Variants in CEP63 observed in about 807,000 individuals in gnomAD.
The protein encoded by CEP63 is centrosomal protein 63.
In CEP63, 84 loss-of-function variants were observed where a neutral mutation model predicts 89.1. The ratio of observed to expected loss-of-function variants is 0.94; its 90% CI spans 0.79 to 1.13. The LOEUF (loss-of-function observed/expected upper bound fraction) is 1.13. Among genes scored for constraint, CEP63 ranks in the 50% most tolerant of loss-of-function variants. The pLI is 0.00. For missense variants in CEP63, 838 were observed against 813.3 expected (o/e 1.03, Z -0.37); for synonymous variants, 267 against 272.5 (o/e 0.98, Z 0.20).
intron 11 of CEP63, among the ~76,000 whole-genome samples, chr3:134,573,912 G>A (rs1352902583): frequency 6.6e-6 from 1 of 152,180 alleles, no homozygotes; most frequent in African/African-American, 2.4e-5. Flanking sequence ...GGTTTTGGAA[G>A]CCCTCAGCAT....
At chr3:134,679,009 G>GT in the CEP63 span, among the ~76,000 whole-genome samples, 1 of 151,550 alleles carries the variant, frequency 6.6e-6, no homozygotes, top group African/African-American at 2.4e-5. Flanking sequence ...AAGAAAGCTG[G>GT]TGATGTATAG....
chr3:134,629,585 C>T, the CEP63 span: 8 of 1,528,262 alleles, frequency 5.2e-6, no homozygotes, highest in Non-Finnish European at 7.1e-6. Context: ...ATCCTCTCTG[C>T]CAGCCCTCCA....
At chr3:134,606,903 C>T in the CEP63 span, 1 of 985,076 alleles carries the variant, frequency 1.0e-6, no homozygotes, top group Non-Finnish European at 1.2e-6. Flanking sequence ...TCTTCCTTCC[C>T]TTCCTTTCTG....
intron 1 of CEP63, among the ~76,000 whole-genome samples, chr3:134,494,238 C>T (rs1167519647): frequency 2.6e-5 from 4 of 151,872 alleles, no homozygotes; most frequent in Non-Finnish European, 4.4e-5. Flanking sequence ...ACCTCAGCCT[C>T]CCCATGGCTG....
At chr3:134,485,809 C>T (rs1935085695), upstream of CEP63, 3 of 211,756 alleles carry the variant, frequency 1.4e-5, no homozygotes, top group Non-Finnish European at 2.4e-5. Flanking sequence ...CCCTTTCCTC[C>T]CGACACGAGT....
intron 11 of CEP63, among the ~76,000 whole-genome samples, chr3:134,572,961 G>T (rs4345111): frequency 0.98 from 149,122 of 152,314 alleles, 73,060 homozygotes; most frequent in Non-Finnish European, 1. Flanking sequence ...CTGACTGATA[G>T]GAGATGGTTA....
the CEP63 span, chr3:134,627,729 A>G: frequency 6.2e-7 from 1 of 1,607,366 alleles, no homozygotes. Context: ...TCTCTTGAGA[A>G]TTGTCCTGGA....
chr3:134,493,960 A>C (rs1447002665), intron 1 of CEP63, among the ~76,000 whole-genome samples: 2 of 152,152 alleles, frequency 1.3e-5, no homozygotes, highest in African/African-American at 4.8e-5. Context: ...AAGTGGTTTG[A>C]CATTGAACAT....
At chr3:134,702,829 G>T in the CEP63 span, among the ~76,000 whole-genome samples, 5 of 152,204 alleles carry the variant, frequency 3.3e-5, no homozygotes, top group Non-Finnish European at 7.4e-5. Context: ...AGATGAAGGC[G>T]AGGTTGTGGG....
exon 12 of CEP63, chr3:134,574,954 A>C: frequency 6.3e-6 from 3 of 478,266 alleles, no homozygotes; most frequent in Non-Finnish European, 1.1e-5. Context: ...TCTCAATTAG[A>C]GTCTTTATAT....
the CEP63 span, among the ~76,000 whole-genome samples, chr3:134,768,877 C>A: frequency 6.6e-6 from 1 of 152,120 alleles, no homozygotes; most frequent in Non-Finnish European, 1.5e-5. Flanking sequence ...TCCTCCATAG[C>A]AGAAGAGGGG....
the CEP63 span, among the ~76,000 whole-genome samples, chr3:134,749,623 G>GTACAGAGA: frequency 1.5e-5 from 2 of 135,446 alleles, no homozygotes; most frequent in African/African-American, 5.4e-5. Context: ...CGGGAGAGCT[G>GTACAGAGA]TACAGAGAGA....
exon 11 of CEP63, among the ~76,000 whole-genome samples, chr3:134,587,507 C>G (rs942726286): frequency 3.3e-5 from 5 of 152,146 alleles, no homozygotes; most frequent in Admixed American, 6.5e-5. Flanking sequence ...CGCTGTTTGC[C>G]TGGGTATCAC....
At chr3:134,620,792 C>G in the CEP63 span, 1 of 1,613,740 alleles carries the variant, frequency 6.2e-7, no homozygotes, top group East Asian at 2.2e-5. Context: ...GGACCCTTTC[C>G]AGGTCAGTGT....
chr3:134,726,699 C>G, the CEP63 span, among the ~76,000 whole-genome samples: 1 of 152,104 alleles, frequency 6.6e-6, no homozygotes, highest in Non-Finnish European at 1.5e-5. Flanking sequence ...CCGGCCATGG[C>G]TGGTCCTGGG....
At chr3:134,609,534 G>A in the CEP63 span, among the ~76,000 whole-genome samples, 1 of 152,136 alleles carries the variant, frequency 6.6e-6, no homozygotes, top group Non-Finnish European at 1.5e-5. Flanking sequence ...TCATGTTTCT[G>A]AATAAAAAGG....
chr3:134,543,242 T>C (rs1952431305), intron 6 of CEP63, among the ~76,000 whole-genome samples: 1 of 152,198 alleles, frequency 6.6e-6, no homozygotes, highest in Non-Finnish European at 1.5e-5. Flanking sequence ...GTCTTTGAAA[T>C]CTTCAACTGA....
At chr3:134,677,137 T>G in the CEP63 span, among the ~76,000 whole-genome samples, 14 of 152,098 alleles carry the variant, frequency 9.2e-5, no homozygotes, top group African/African-American at 1.2e-4. Context: ...CTGAGGAAGC[T>G]GAGGCAGGAG....
the CEP63 span, among the ~76,000 whole-genome samples, chr3:134,676,993 T>C: frequency 6.6e-6 from 1 of 152,172 alleles, no homozygotes; most frequent in African/African-American, 2.4e-5. Context: ...CCCAGCACTT[T>C]GGGAGGCCGA....
Sources: allele counts gnomAD v4.1 joint callset (sites outside exome capture counted in the v4.1 genomes callset), GRCh38; gene constraint gnomAD v4.1.1; transcripts MANE v1.5; gene names NCBI Gene and HGNC (gene_info 2026-07-23, HGNC 2026-07-21).